Variants in GARNL3 observed in about 807,000 individuals in gnomAD.
GARNL3 encodes the protein GTPase activating Rap/RanGAP domain like 3, also known as GTPase-activating Rap/Ran-GAP domain-like protein 3.
GARNL3 carries 63 observed loss-of-function variants against 125.0 expected under a neutral mutation model. The ratio of observed to expected loss-of-function variants is 0.50; its 90% CI spans 0.41 to 0.62. The LOEUF (loss-of-function observed/expected upper bound fraction) is 0.62, where lower values mean the gene tolerates loss of function less well. Ranked by LOEUF, GARNL3 falls within the 20% of genes least tolerant of loss-of-function variation. The probability of loss-of-function intolerance (pLI) is 0.00; values close to 1 mark genes in which losing one functional copy is unlikely to be tolerated. For missense variants in GARNL3, 994 were observed against 1,244.0 expected, an observed-to-expected ratio of 0.80 and a Z score of 3.02; for synonymous variants, 439 against 457.5, an observed-to-expected ratio of 0.96 and a Z score of 0.52.
chr9:127,383,532 T>C lies in GARNL3; in HGVS notation c.2256T>C (p.Ala752=). 1.2e-6 allele frequency: 2 copies of C among 1,609,970 alleles called. No homozygotes were observed. Among genetic ancestry groups the C allele is most frequent in the Non-Finnish European group, 1.7e-6 (2 of 1,177,536 alleles). ...ASDFQFCWNQ[A]PYAIVCAFPY... ...ATTTCCAGTTCTGTTGGAACCAGGC[T>C]CCCTATGCAATTGGTAAGAAAAGTC... Residue 752 remains alanine (A), a synonymous_variant, in exon 23 of 28, where the codon GCT becomes GCC. Coordinates refer to ENST00000373387, the MANE Select transcript of GARNL3 (RefSeq NM_032293.5).
chr9:127,368,780 C>G (rs1831441121), intron 22 of GARNL3, among the ~76,000 whole-genome samples: 1 of 151,712 alleles, frequency 6.6e-6, no homozygotes, highest in South Asian at 2.1e-4. Context: ...ACTAAAAATA[C>G]AAAAATCAGC....
At chr9:127,390,216 C>T (rs1464434373) in intron 26 of GARNL3, among the ~76,000 whole-genome samples, 1 of 152,170 alleles carries the variant, frequency 6.6e-6, no homozygotes, top group Non-Finnish European at 1.5e-5. Flanking sequence ...CTAACAAAGT[C>T]CATTGGTTTT....
At chr9:127,273,360 C>A (rs911745512) in intron 1 of GARNL3, among the ~76,000 whole-genome samples, 1 of 152,128 alleles carries the variant, frequency 6.6e-6, no homozygotes, top group Non-Finnish European at 1.5e-5. Flanking sequence ...GAACAAATAC[C>A]GCTGTCCTTA....
At chr9:127,309,722 T>TG (rs2065045441) in intron 2 of GARNL3, among the ~76,000 whole-genome samples, 1 of 151,334 alleles carries the variant, frequency 6.6e-6, no homozygotes, top group African/African-American at 2.4e-5. Flanking sequence ...ATTTAACCTG[T>TG]TCTCTCAACA....
chr9:127,381,763 AT>A (rs58674413), intron 22 of GARNL3, among the ~76,000 whole-genome samples: 69,772 of 142,238 alleles, frequency 0.49, 18,236 homozygotes, highest in African/African-American at 0.71. Flanking sequence ...CGCCCGGCTA[AT>A]TTTTTTTTTT....
At chr9:127,273,223 G>C (rs1195982481) in intron 1 of GARNL3, among the ~76,000 whole-genome samples, 1 of 152,114 alleles carries the variant, frequency 6.6e-6, no homozygotes, top group Non-Finnish European at 1.5e-5. Flanking sequence ...AGAAGCAGGA[G>C]TGACATTTAA....
chr9:127,307,054 G>A (rs565002028), intron 2 of GARNL3, among the ~76,000 whole-genome samples: 17 of 150,386 alleles, frequency 1.1e-4, no homozygotes, highest in East Asian at 5.8e-4. Flanking sequence ...TTTTTTTGTC[G>A]GCATGGTTAC....
At chr9:127,305,258 C>T (rs1302182296) in intron 2 of GARNL3, among the ~76,000 whole-genome samples, 1 of 152,102 alleles carries the variant, frequency 6.6e-6, no homozygotes, top group African/African-American at 2.4e-5. Flanking sequence ...TTCTTTGTGC[C>T]CTTTACTGTC....
At chr9:127,299,288 A>G (rs1241678531) in intron 2 of GARNL3, among the ~76,000 whole-genome samples, 1 of 143,360 alleles carries the variant, frequency 7.0e-6, no homozygotes, top group Non-Finnish European at 1.5e-5. Context: ...AGCCTGGGCA[A>G]CAGTGCGAGA....
At chr9:127,323,549 G>C (rs936493542) in intron 6 of GARNL3, among the ~76,000 whole-genome samples, 1 of 152,166 alleles carries the variant, frequency 6.6e-6, no homozygotes, top group Non-Finnish European at 1.5e-5. Flanking sequence ...AAACATCCCA[G>C]TCCTAATGCT....
At chr9:127,245,377 G>C (rs2063283195) in intron 2 of GARNL3, 1 of 152,590 alleles carries the variant, frequency 6.6e-6, no homozygotes, top group African/African-American at 2.4e-5. Flanking sequence ...CACGCGCACG[G>C]GGGTGCAGGC....
At chr9:127,354,786 CTTCCTTTTTCCT>C (rs1420098552) in intron 19 of GARNL3, among the ~76,000 whole-genome samples, 2 of 152,126 alleles carry the variant, frequency 1.3e-5, no homozygotes, top group Non-Finnish European at 2.9e-5. Context: ...TTTCCTTTCC[CTTCCTTTTTCCT>C]TTCCTTTCCT....
chr9:127,259,998 A>C (rs553504646), upstream of GARNL3, among the ~76,000 whole-genome samples: 8 of 152,292 alleles, frequency 5.3e-5, no homozygotes, highest in Admixed American at 2.0e-4. Flanking sequence ...ACACCACTGC[A>C]CTCTAGCGTG....
intron 2 of GARNL3, among the ~76,000 whole-genome samples, chr9:127,307,081 A>G (rs1269192193): frequency 1.3e-5 from 2 of 151,990 alleles, no homozygotes; most frequent in African/African-American, 2.4e-5. Flanking sequence ...TGTCCATTCT[A>G]TAGTTTTTTT....
intron 22 of GARNL3, among the ~76,000 whole-genome samples, chr9:127,380,200 A>ATGTGTGTGTGTGTGTGTGTG (rs55906930): frequency 2.1e-5 from 3 of 141,642 alleles, no homozygotes; most frequent in African/African-American, 7.9e-5. Context: ...CTCAAAAAAT[A>ATGTGTGTGTGTGTGTGTGTG]TGTGTGTGTG....
At chr9:127,381,898 C>T (rs967504402) in intron 22 of GARNL3, among the ~76,000 whole-genome samples, 7 of 152,116 alleles carry the variant, frequency 4.6e-5, no homozygotes, top group Admixed American at 6.6e-5. Flanking sequence ...AGCCACTGCA[C>T]CTGGCCGCTT....
At chr9:127,226,220 CAG>C (rs966009340) in intron 1 of GARNL3, among the ~76,000 whole-genome samples, 2 of 152,122 alleles carry the variant, frequency 1.3e-5, no homozygotes, top group African/African-American at 2.4e-5. Context: ...GAGTGGGGGA[CAG>C]AGAGAGAGAA....
At chr9:127,372,101 C>G (rs1831644230) in intron 22 of GARNL3, among the ~76,000 whole-genome samples, 1 of 152,124 alleles carries the variant, frequency 6.6e-6, no homozygotes, top group African/African-American at 2.4e-5. Context: ...CCCGGCTAAC[C>G]AAAAACTTTG....
rs1305460923 is a variant in GARNL3 at position 127,384,673 on chromosome 9, C to T, written c.2270-354C>T. On this transcript the variant is annotated intron_variant, in intron 23 of 27. Coordinates refer to ENST00000373387, the MANE Select transcript of GARNL3 (RefSeq NM_032293.5). This position sits in a 1 kb window ranked among gnomAD's most constrained non-coding sequence, Gnocchi z 4.0. ...AGGCAGGATGGCCTGGGCCTGCAGA[C>T]AGAATGTCAGGCTGGCGTCTGAACA... Among the ~76,000 whole-genome samples, 2 of 152,198 alleles carry T rather than the reference C, an allele frequency of 1.3e-5. No individual in the cohort carries two copies. Among genetic ancestry groups the T allele is most frequent in the East Asian group, 1.9e-4 (1 of 5,180 alleles).
Sources: allele counts gnomAD v4.1 joint callset (sites outside exome capture counted in the v4.1 genomes callset), GRCh38; gene constraint gnomAD v4.1.1; non-coding constraint Gnocchi (gnomAD v3.1); transcripts MANE v1.5; gene names NCBI Gene and HGNC (gene_info 2026-07-23, HGNC 2026-07-21).